DMRT3: variants seen among roughly 807,000 people sequenced by gnomAD.
DMRT3 encodes the protein doublesex and mab-3 related transcription factor 3, also known as doublesex- and mab-3-related transcription factor 3.
In DMRT3, 29 loss-of-function variants were observed where a neutral mutation model predicts 34.9. The ratio of observed to expected loss-of-function variants is 0.83; its 90% CI spans 0.62 to 1.13. The LOEUF is 1.13. Ranked by LOEUF, DMRT3 falls within the 50% of genes most tolerant of loss-of-function variation. The pLI is 0.00. For missense variants in DMRT3, 772 were observed against 629.1 expected (o/e 1.23, Z -2.43); for synonymous variants, 350 against 286.0 (o/e 1.22, Z -2.26).
At chr9:984,329 T>G (rs1820256556) in intron 1 of DMRT3, among the ~76,000 whole-genome samples, 1 of 152,264 alleles carries the variant, frequency 6.6e-6, no homozygotes, top group African/African-American at 2.4e-5. Flanking sequence ...ACTTTTGAGC[T>G]AGGAAATATT....
chr9:989,814 C>T (rs1820329848), intron 1 of DMRT3: 1 of 508,180 alleles, frequency 2.0e-6, no homozygotes. Flanking sequence ...CTTCCTTGCA[C>T]AAAGCATTCC....
intron 1 of DMRT3, among the ~76,000 whole-genome samples, chr9:986,890 C>CAA (rs5895884): frequency 0.036 from 5,011 of 138,638 alleles, 291 homozygotes; most frequent in African/African-American, 0.12. Context: ...GACTCTGTCT[C>CAA]AAAAAAAAAA....
At chr9:989,912 T>C in intron 1 of DMRT3, 129 bp from the exon 2 acceptor site, 1 of 1,213,356 alleles carries the variant, frequency 8.2e-7, no homozygotes, top group Non-Finnish European at 1.1e-6. Flanking sequence ...TAAAAAGGCT[T>C]GTAGTATATT....
At chr9:985,905 C>T (rs138040164) in intron 1 of DMRT3, among the ~76,000 whole-genome samples, 2 of 152,336 alleles carry the variant, frequency 1.3e-5, no homozygotes, top group East Asian at 3.9e-4. Context: ...TTCCTTTGAA[C>T]ACAGTGTAAG....
chr9:986,992 C>T (rs936605567), intron 1 of DMRT3, among the ~76,000 whole-genome samples: 9 of 151,826 alleles, frequency 5.9e-5, no homozygotes, highest in African/African-American at 2.2e-4. Context: ...AAAATCTCTT[C>T]ATTCTCTATA....
Position 991,063 on chromosome 9 carries a change from C to T in DMRT3, c.*58C>T. 6.4e-7 allele frequency: 1 copy of T among 1,553,712 alleles called. No individual in the cohort carries two copies. Among genetic ancestry groups the T allele is most frequent in the Non-Finnish European group, 8.7e-7 (1 of 1,148,212 alleles). On this transcript the variant is annotated 3_prime_UTR_variant, in exon 2 of 2. Transcript: ENST00000190165. ...TTTTCTGTGCGTTTTGACCCTGAGG[C>T]ATCTGAGGAGAGGCCACATCTTGTG...
chr9:990,349 T>C lies in DMRT3; in HGVS notation c.763T>C (p.Leu255=). The change falls in exon 2 of 2, where the codon TTA becomes CTA. Residue 255 remains leucine, a synonymous_variant. Coordinates refer to ENST00000190165, the MANE Select transcript of DMRT3 (RefSeq NM_021240.4). ...LKANRPPLEV[L]KKIFPNQKPT... Reference sequence around the variant, plus strand: ...AGCCAACAGACCGCCGCTTGAAGTGTTAAAAAAGATATTCCCCAACCAGAA... The same window carrying C: ...AGCCAACAGACCGCCGCTTGAAGTGCTAAAAAAGATATTCCCCAACCAGAA... The C allele has an allele frequency of 6.2e-7, 1 of 1,613,762 alleles. No homozygotes were observed. Among genetic ancestry groups the C allele is most frequent in the Non-Finnish European group, 8.5e-7 (1 of 1,180,012 alleles).
intron 1 of DMRT3, among the ~76,000 whole-genome samples, chr9:981,786 T>A (rs970493465): frequency 6.6e-6 from 1 of 151,652 alleles, no homozygotes; most frequent in African/African-American, 2.4e-5. Flanking sequence ...CACCAGGGGG[T>A]CGGAGCTGCA....
rs1820162101 is a variant in DMRT3 at position 977,259 on chromosome 9, C to T, written c.258C>T (p.Leu86=). 1.9e-6 allele frequency: 3 copies of T among 1,563,588 alleles called. No individual in the cohort carries two copies. The highest frequency in any genetic ancestry group is 1.8e-5 in the Admixed American group (1 of 56,448). The change falls in exon 1 of 2, where the codon CTC becomes CTT. Residue 86 remains leucine (L), a synonymous_variant. Transcript: ENST00000190165. The stretch of plus-strand genomic sequence containing the variant: ...AGGCCAACGAGAGCTTGGAGAGCCT[C>T]ATCCCCGACTCGCTGCGCGCTCTGC... ...RQQANESLES[L]IPDSLRALPG... is the part of the protein sequence containing the mutation.
At chr9:979,634 A>T (rs1331264325) in intron 1 of DMRT3, among the ~76,000 whole-genome samples, 1 of 151,914 alleles carries the variant, frequency 6.6e-6, no homozygotes, top group African/African-American at 2.4e-5. Flanking sequence ...CACCACTCTG[A>T]TGGGGAGTGG....
chr9:984,941 A>C (rs993161648), intron 1 of DMRT3, among the ~76,000 whole-genome samples: 1 of 151,904 alleles, frequency 6.6e-6, no homozygotes, highest in Non-Finnish European at 1.5e-5. Context: ...GTGAGTGTTT[A>C]TTTTCTCTCT....
rs370932496 is a variant in DMRT3, at chr9:990,654, G to A, written c.1068G>A (p.Gly356=). The A allele has an allele frequency of 2.6e-5, 42 of 1,614,092 alleles. No individual in the cohort carries two copies. The East Asian group carries it at 3.1e-4, about 12-fold the overall frequency. The change falls in exon 2 of 2, where the codon GGG becomes GGA. Residue 356 remains glycine, a synonymous_variant. Coordinates refer to ENST00000190165, the MANE Select transcript of DMRT3 (RefSeq NM_021240.4). Reference sequence around the variant, plus strand: ...ACGTTGTCCCCAGTCCCTTGGCTGGGCCTCTGCAGCCCCCTTTCCCCCAGC... The same window carrying A: ...ACGTTGTCCCCAGTCCCTTGGCTGGACCTCTGCAGCCCCCTTTCCCCCAGC... The part of the protein sequence containing the change: ...SSNVVPSPLA[G]PLQPPFPQPP...
rs1026971151 is a variant in DMRT3 at position 990,518 on chromosome 9, G to T, written c.932G>T (p.Gly311Val). The change falls in exon 2 of 2, where the codon GGG becomes GTG. Residue 311 changes from glycine to valine, a missense_variant. By Grantham distance (109) the Gly-to-Val change is moderately radical. Transcript: ENST00000190165. Reference protein sequence around the residue: ...EPESLALPSNGHIFEHTLSSY... With the variant: ...EPESLALPSNVHIFEHTLSSY... ...GAGAGTCTAGCGTTGCCCTCCAATG[G>T]GCACATCTTTGAACACACCTTGAGC... 1 of 1,613,886 alleles carries T rather than the reference G, an allele frequency of 6.2e-7. No homozygotes were observed. Among genetic ancestry groups the T allele is most frequent in the African/African-American group, 1.3e-5 (1 of 74,846 alleles).
intron 1 of DMRT3, among the ~76,000 whole-genome samples, chr9:981,479 C>T (rs1053773960): frequency 6.6e-5 from 10 of 152,194 alleles, no homozygotes; most frequent in African/African-American, 2.4e-4. Context: ...AGGGGCTTGA[C>T]TCAGTTGCAT....
At position 990,731 on chromosome 9, in the gene DMRT3, G is replaced by A. The variant is rs747310491; in HGVS notation, c.1145G>A (p.Ser382Asn). ...AATACTTTGGCGAGAAGCCAGTCGA[G>A]CCCCTTTTTGCCCAATGATGTCACC... Reference protein sequence around the residue: ...LRNTLARSQSSPFLPNDVTLW... With the variant: ...LRNTLARSQSNPFLPNDVTLW... Residue 382 changes from serine to asparagine, a missense_variant, in exon 2 of 2, where the codon AGC (serine) becomes AAC (asparagine). Transcript: ENST00000190165. 6.2e-7 allele frequency: 1 copy of A among 1,614,108 alleles called. No individual in the cohort carries two copies. Among genetic ancestry groups the A allele is most frequent in the Admixed American group, 1.7e-5 (1 of 60,032 alleles).
chr9:990,453 A>C lies in DMRT3; in HGVS notation c.867A>C (p.Arg289=), dbSNP rs2130077189. The C allele has an allele frequency of 1.9e-6, 3 of 1,614,102 alleles. No individual in the cohort carries two copies. In the African/African-American group the frequency reaches 4.0e-5, roughly 22 times the overall value. Residue 289 remains arginine, a synonymous_variant, in exon 2 of 2, where the codon CGA becomes CGC. Transcript: ENST00000190165. ...VSAVEVLLSS[R]SSVTGAERTS... ...CCGTGGAAGTCCTTCTGTCCAGCCGATCCTCAGTCACGGGAGCAGAGCGAA... is the reference window on the plus strand; with the variant it reads ...CCGTGGAAGTCCTTCTGTCCAGCCGCTCCTCAGTCACGGGAGCAGAGCGAA...
intron 1 of DMRT3, among the ~76,000 whole-genome samples, chr9:989,138 T>A (rs1820320598): frequency 1.3e-5 from 2 of 152,210 alleles, no homozygotes; most frequent in African/African-American, 4.8e-5. Flanking sequence ...ATCTTCAAAT[T>A]TCACTGGCTT....
At chr9:979,999 A>G (rs1820197508) in intron 1 of DMRT3, among the ~76,000 whole-genome samples, 2 of 152,248 alleles carry the variant, frequency 1.3e-5, no homozygotes, top group African/African-American at 4.8e-5. Flanking sequence ...CTGGCAATGT[A>G]GATCTATTAC....
chr9:981,139 T>C (rs1192677183), intron 1 of DMRT3, among the ~76,000 whole-genome samples: 1 of 152,156 alleles, frequency 6.6e-6, no homozygotes, highest in Non-Finnish European at 1.5e-5. Context: ...GGGGAGAAGT[T>C]AGGAGATTTT....
Sources: allele counts gnomAD v4.1 joint callset (sites outside exome capture counted in the v4.1 genomes callset), GRCh38; gene constraint gnomAD v4.1.1; transcripts MANE v1.5; gene names NCBI Gene and HGNC (gene_info 2026-07-23, HGNC 2026-07-21).